TCOF1: variants seen among roughly 807,000 people sequenced by gnomAD.
TCOF1 encodes the protein treacle protein.
Under a neutral mutation model 149.0 loss-of-function variants are expected in TCOF1, and 33 were observed. The observed-to-expected ratio is 0.22, with a 90% CI of 0.17 to 0.30. TCOF1 has a LOEUF of 0.30. TCOF1 is among the 10% of genes least tolerant of loss of function. The pLI is 1.00. For missense variants in TCOF1, 1,728 were observed against 1,840.7 expected, an observed-to-expected ratio of 0.94 and a Z score of 1.12; for synonymous variants, 789 against 738.8, an observed-to-expected ratio of 1.07 and a Z score of -1.10.
At chr5:150,364,027 G>C in intron 2 of TCOF1, 86 bp from the exon 3 acceptor site, 1 of 1,598,458 alleles carries the variant, frequency 6.3e-7, no homozygotes, top group Non-Finnish European at 8.6e-7. Flanking sequence ...TTAAGAGCTG[G>C]AAGGATGCGG....
In TCOF1 at chr5:150,363,905, A is replaced by T. The variant is rs184244033; in HGVS notation, c.165-208A>T. Among the ~76,000 whole-genome samples, 267 of 152,356 alleles carry T rather than the reference A, an allele frequency of 1.8e-3. 1 individual carries two copies. Among genetic ancestry groups the T allele is most frequent in the African/African-American group, 6.3e-3 (261 of 41,578 alleles). ...ATTATCCAGCATTCCTGATTATTTT[A>T]AAGACTAATCAAGAATTGTAAAAGC... On this transcript the variant is annotated intron_variant, in intron 2 of 26. Transcript: ENST00000643257.
chr5:150,369,448 CTGG>C, intron 5 of TCOF1, 78 bp from the exon 6 acceptor site: 1 of 1,538,570 alleles, frequency 6.5e-7, no homozygotes, highest in South Asian at 1.1e-5. Context: ...TGATGAGCAG[CTGG>C]TTTGTGGGGA....
In TCOF1 at chr5:150,399,274, T is replaced by C. The variant is rs116752001; in HGVS notation, c.*22+204T>C. Among the ~76,000 whole-genome samples, 635 of 152,322 alleles carry C rather than the reference T, an allele frequency of 4.2e-3. 5 individuals are homozygous for C. The highest frequency in any genetic ancestry group is 0.015 in the African/African-American group (606 of 41,576). On this transcript the variant is annotated intron_variant, in intron 26 of 26. Coordinates refer to ENST00000643257, the MANE Select transcript of TCOF1 (RefSeq NM_001371623.1). Reference sequence around the variant, plus strand: ...GCAGCATCAGAAGGATCCAGAACAGTAATGGCAGTGGTGACACCGAGTGCA... The same window carrying C: ...GCAGCATCAGAAGGATCCAGAACAGCAATGGCAGTGGTGACACCGAGTGCA...
intron 6 of TCOF1, among the ~76,000 whole-genome samples, chr5:150,370,246 A>G (rs777920603): frequency 1.2e-4 from 18 of 152,204 alleles, no homozygotes; most frequent in Non-Finnish European, 2.2e-4. Context: ...GCTGCTATGA[A>G]GTGGAAATGT....
At position 150,398,425 on chromosome 5, in the gene TCOF1, C is replaced by A. The variant is rs1352097148; in HGVS notation, c.4417C>A (p.Pro1473Thr). 1.2e-6 allele frequency: 2 copies of A among 1,614,136 alleles called. No homozygotes were observed. The highest frequency in any genetic ancestry group is 1.7e-6 in the Non-Finnish European group (2 of 1,180,016). ...GGCCTCAACCAAAGATTCTGAGTCACCGTCCCAGAAGAAAAAGAAGAAAAA... is the reference window on the plus strand; with the variant it reads ...GGCCTCAACCAAAGATTCTGAGTCAACGTCCCAGAAGAAAAAGAAGAAAAA... ...KKASTKDSES[P>T]SQKKKKKKKK... Residue 1473 changes from proline (P) to threonine (T), a missense_variant, in exon 25 of 27, where the codon CCG (proline) becomes ACG (threonine). Pro to Thr is a conservative substitution (Grantham distance 38). Transcript: ENST00000643257.
At chr5:150,373,724 T>C (rs950869085) in intron 7 of TCOF1, among the ~76,000 whole-genome samples, 5 of 152,252 alleles carry the variant, frequency 3.3e-5, no homozygotes, top group African/African-American at 1.2e-4. Context: ...AGACTGCCTC[T>C]TCATTCCTTC....
chr5:150,391,549 A>G lies in TCOF1; in HGVS notation c.3189A>G (p.Ser1063=). ...KKQEGPATQV[S]KKNPASLPLT... ...CTACCTCTTGCCACCCACAGGTGTC[A>G]AAGAAGAACCCAGCTTCCCTCCCAC... The change falls in exon 20 of 27, where the codon TCA becomes TCG. Residue 1063 remains serine (S), a synonymous_variant. Coordinates refer to ENST00000643257, the MANE Select transcript of TCOF1 (RefSeq NM_001371623.1). 6.2e-7 allele frequency: 1 copy of G among 1,614,084 alleles called. No individual in the cohort carries two copies. Among genetic ancestry groups the G allele is most frequent in the Non-Finnish European group, 8.5e-7 (1 of 1,179,994 alleles).
In TCOF1 at chr5:150,396,791, G is replaced by A. The variant is rs1768621460; in HGVS notation, c.4294G>A (p.Gly1432Arg). 1.2e-6 allele frequency: 2 copies of A among 1,610,844 alleles called. No homozygotes were observed. The highest frequency in any genetic ancestry group is 2.7e-5 in the African/African-American group (2 of 74,992). Residue 1432 changes from glycine (G) to arginine (R), a missense_variant, in exon 24 of 27, where the codon GGA becomes AGA. Physicochemically the swap from Gly to Arg is moderately radical, Grantham distance 125. Coordinates refer to ENST00000643257, the MANE Select transcript of TCOF1 (RefSeq NM_001371623.1). The part of the protein sequence containing the change: ...LQKGMGTVEG[G>R]DQSNPKSKKE... ...GAAGGGGATGGGGACGGTTGAAGGTGGAGATCAAAGCAACCCAAAGAGCAA... is the reference window on the plus strand; with the variant it reads ...GAAGGGGATGGGGACGGTTGAAGGTAGAGATCAAAGCAACCCAAAGAGCAA...
chr5:150,391,439 C>T, intron 19 of TCOF1, 105 bp from the exon 20 acceptor site: 1 of 1,005,444 alleles, frequency 9.9e-7, no homozygotes, highest in Non-Finnish European at 1.6e-6. Context: ...GCCCCTCAGT[C>T]CCTGCTCCAG....
intron 19 of TCOF1, among the ~76,000 whole-genome samples, chr5:150,391,258 A>C (rs1454824339): frequency 1.3e-5 from 2 of 152,136 alleles, no homozygotes; most frequent in African/African-American, 4.8e-5. Flanking sequence ...TGGTTATAAG[A>C]AGTAGAGATG....
At chr5:150,392,946 C>T in intron 22 of TCOF1, 156 bp downstream of exon 22, 1 of 890,996 alleles carries the variant, frequency 1.1e-6, no homozygotes, top group Non-Finnish European at 1.8e-6. Flanking sequence ...ACGTGTGGCC[C>T]AGCCAGCAGA....
chr5:150,383,876 G>T (rs1318587167), intron 17 of TCOF1: 2 of 1,544,386 alleles, frequency 1.3e-6, no homozygotes, highest in Non-Finnish European at 1.7e-6. Context: ...GGTGGGACCA[G>T]GCCCACCTTA....
At chr5:150,371,875 G>C in intron 6 of TCOF1, 131 bp from the exon 7 acceptor site, 1 of 817,948 alleles carries the variant, frequency 1.2e-6, no homozygotes, top group East Asian at 2.7e-5. Flanking sequence ...GCTAATAGCC[G>C]TCTCAGGGAG....
chr5:150,395,850 C>T (rs1056290811), intron 23 of TCOF1, among the ~76,000 whole-genome samples: 1 of 152,150 alleles, frequency 6.6e-6, no homozygotes, highest in Non-Finnish European at 1.5e-5. Flanking sequence ...AACCAAGGCC[C>T]TGGGAGGAGA....
In TCOF1 at chr5:150,374,628, A is replaced by T; in HGVS notation, c.1095A>T (p.Ser365=). The change falls in exon 9 of 27, where the codon TCA becomes TCT. Residue 365 remains serine (S), a synonymous_variant. Coordinates refer to ENST00000643257, the MANE Select transcript of TCOF1 (RefSeq NM_001371623.1). ...AAKALLQAKA[S]GKTSQVGAAS... ...TCTTGTTTCTCCAGGCGAAGGCCTC[A>T]GGAAAAACCTCTCAGGTCGGAGCTG... 6.2e-7 allele frequency: 1 copy of T among 1,609,894 alleles called. No homozygotes were observed. Among genetic ancestry groups the T allele is most frequent in the East Asian group, 2.2e-5 (1 of 44,506 alleles).
chr5:150,383,696 G>A (rs201061063), intron 17 of TCOF1: 791 of 1,546,208 alleles, frequency 5.1e-4, no homozygotes, highest in Non-Finnish European at 6.6e-4. Context: ...AGGTCCAAAC[G>A]CTGGTCCCCT....
At chr5:150,372,709 A>C (rs1762814540) in intron 7 of TCOF1, among the ~76,000 whole-genome samples, 2 of 136,656 alleles carry the variant, frequency 1.5e-5, no homozygotes. Flanking sequence ...AGGGTCACCC[A>C]CCCAGCCCCA....
chr5:150,383,027 C>A, intron 17 of TCOF1: 1 of 1,495,320 alleles, frequency 6.7e-7, no homozygotes, highest in Non-Finnish European at 8.9e-7. Context: ...GCCCCACTCC[C>A]CGACCACGTG....
rs531833225 is a variant in TCOF1 at position 150,372,170 on chromosome 5, G to A, written c.804G>A (p.Glu268=). 38 of 1,614,178 alleles carry A rather than the reference G, an allele frequency of 2.4e-5. No individual in the cohort carries two copies. The highest frequency in any genetic ancestry group is 3.3e-4 in the Middle Eastern group (2 of 6,058). ...PPAKRAKKPE[E]ESESSEEGSE... is the part of the protein sequence containing the mutation. Reference sequence around the variant, plus strand: ...CCAAGAGGGCCAAGAAGCCAGAAGAGGAGTCAGAGAGTAGTGAGGAGGGAT... The same window carrying A: ...CCAAGAGGGCCAAGAAGCCAGAAGAAGAGTCAGAGAGTAGTGAGGAGGGAT... Residue 268 remains glutamate, a synonymous_variant, in exon 7 of 27, where the codon GAG becomes GAA. Coordinates refer to ENST00000643257, the MANE Select transcript of TCOF1 (RefSeq NM_001371623.1).
Sources: allele counts gnomAD v4.1 joint callset (sites outside exome capture counted in the v4.1 genomes callset), GRCh38; gene constraint gnomAD v4.1.1; transcripts MANE v1.5; gene names NCBI Gene and HGNC (gene_info 2026-07-23, HGNC 2026-07-21).